Variants in TNR observed in about 807,000 individuals in gnomAD.
TNR encodes the protein tenascin-R.
A neutral mutation model predicts 150.4 loss-of-function variants in TNR; 45 were observed. That is an observed-to-expected ratio of 0.30 (90% confidence interval 0.24 to 0.38). The LOEUF is 0.38. Ranked by LOEUF, TNR falls within the 10% of genes least tolerant of loss-of-function variation. TNR has a pLI of 1.00. For synonymous variants in TNR, 687 were observed against 678.4 expected (o/e 1.01, Z -0.20); for missense variants, 1,544 against 1,759.1 (o/e 0.88, Z 2.19).
At chr1:175,547,365 C>A (rs747619194) in intron 1 of TNR, among the ~76,000 whole-genome samples, 1 of 152,188 alleles carries the variant, frequency 6.6e-6, no homozygotes, top group African/African-American at 2.4e-5. Context: ...TTCCCCACAA[C>A]TTTGAGCTTC....
At chr1:175,616,132 G>A (rs576716980) in intron 1 of TNR, among the ~76,000 whole-genome samples, 1 of 152,322 alleles carries the variant, frequency 6.6e-6, no homozygotes, top group East Asian at 1.9e-4. Flanking sequence ...TTCCAGGTCA[G>A]CTACGTTTCC....
intron 1 of TNR, among the ~76,000 whole-genome samples, chr1:175,740,285 T>C (rs1225322552): frequency 6.6e-6 from 1 of 152,206 alleles, no homozygotes; most frequent in Admixed American, 6.5e-5. Context: ...CAGAAAGTGA[T>C]GGTGTTGGGA....
At chr1:175,509,890 T>TGG (rs1659099762) in intron 2 of TNR, among the ~76,000 whole-genome samples, 2 of 152,144 alleles carry the variant, frequency 1.3e-5, no homozygotes, top group South Asian at 4.1e-4. Flanking sequence ...ACAGGCTTTA[T>TGG]GGGGTGTGTG....
At chr1:175,401,214 G>C (rs1024140379) in intron 4 of TNR, among the ~76,000 whole-genome samples, 5 of 152,306 alleles carry the variant, frequency 3.3e-5, no homozygotes, top group African/African-American at 1.2e-4. Context: ...GTTTGCAAAT[G>C]AACCTATCCC....
At chr1:175,604,834 C>T (rs116675823) in intron 1 of TNR, among the ~76,000 whole-genome samples, 3,374 of 152,248 alleles carry the variant, frequency 0.022, 130 homozygotes, top group African/African-American at 0.076. Flanking sequence ...CTAACCAGGG[C>T]AACATGACCA....
intron 2 of TNR, among the ~76,000 whole-genome samples, chr1:175,449,414 A>AGGGCCATCATTCCTCTCTAG (rs1170306749): frequency 1.3e-5 from 2 of 152,186 alleles, no homozygotes; most frequent in African/African-American, 4.8e-5. Context: ...GGATGTCTTA[A>AGGGCCATCATTCCTCTCTAG]GGGCCATCAT....
At chr1:175,504,835 AAT>A (rs1239149940) in intron 2 of TNR, among the ~76,000 whole-genome samples, 1 of 152,210 alleles carries the variant, frequency 6.6e-6, no homozygotes, top group Non-Finnish European at 1.5e-5. Context: ...ATCAAATTAA[AAT>A]AGGTCATATG....
At chr1:175,620,665 G>A (rs1663942128) in intron 1 of TNR, among the ~76,000 whole-genome samples, 1 of 152,166 alleles carries the variant, frequency 6.6e-6, no homozygotes, top group African/African-American at 2.4e-5. Context: ...CAAAGACTGA[G>A]GACCTAGGAT....
intron 18 of TNR, among the ~76,000 whole-genome samples, chr1:175,341,350 A>AT (rs767443826): frequency 1.8e-4 from 27 of 152,092 alleles, no homozygotes; most frequent in Admixed American, 5.2e-4. Context: ...TTTAATTTTT[A>AT]TTTTTTTTAG....
At chr1:175,547,609 G>GAAAGAAAGAAAC (rs1391424124) in intron 1 of TNR, among the ~76,000 whole-genome samples, 2 of 23,090 alleles carry the variant, frequency 8.7e-5, no homozygotes, top group Non-Finnish European at 3.0e-4. Context: ...AAGAAAGAAA[G>GAAAGAAAGAAAC]AAACAAAGAA....
intron 1 of TNR, among the ~76,000 whole-genome samples, chr1:175,612,232 G>A (rs1459141239): frequency 6.6e-6 from 1 of 152,146 alleles, no homozygotes; most frequent in Non-Finnish European, 1.5e-5. Context: ...ACAGAGATGT[G>A]AGTGGGCCCT....
At chr1:175,533,500 C>A (rs574699825) in intron 1 of TNR, among the ~76,000 whole-genome samples, 1 of 152,266 alleles carries the variant, frequency 6.6e-6, no homozygotes, top group Non-Finnish European at 1.5e-5. Flanking sequence ...AAGGGCTCAG[C>A]CTTGGCTATT....
intron 1 of TNR, among the ~76,000 whole-genome samples, chr1:175,689,776 T>C (rs1276903464): frequency 1.3e-5 from 2 of 152,180 alleles, no homozygotes; most frequent in Non-Finnish European, 2.9e-5. Context: ...GAGGGAAGAC[T>C]GCAGGCTGCG....
chr1:175,736,184 C>G (rs1667763775), intron 1 of TNR, among the ~76,000 whole-genome samples: 2 of 152,182 alleles, frequency 1.3e-5, no homozygotes, highest in African/African-American at 4.8e-5. Context: ...GTCCCAGGGA[C>G]TTTGTACTCA....
rs878888265 is a variant in TNR at position 175,369,302 on chromosome 1, G to A, written c.1964-2005C>T. ...CCACGGTTCTGAAGTCTGGAAGTCC[G>A]AAATCAAGGTGTCGCCAGGACCATG... is the stretch of plus-strand genomic sequence containing the variant. On this transcript the variant is annotated intron_variant, in intron 9 of 22. Transcript: ENST00000367674. Among the ~76,000 whole-genome samples the A allele has an allele frequency of 5.9e-5, 9 of 152,120 alleles. 1 individual carries two copies. Among genetic ancestry groups the A allele is most frequent in the Admixed American group, 3.9e-4 (6 of 15,272 alleles).
intron 2 of TNR, among the ~76,000 whole-genome samples, chr1:175,488,582 G>A (rs1283385761): frequency 1.3e-5 from 2 of 152,188 alleles, no homozygotes; most frequent in African/African-American, 4.8e-5. Context: ...GGTAAGTTGG[G>A]CAGATTTGCT....
chr1:175,568,245 T>C lies in TNR; in HGVS notation c.-164-39876A>G, dbSNP rs899404900. On this transcript the variant is annotated intron_variant, in intron 1 of 22. Transcript: ENST00000367674. ...CTCATATAGTAAATAATTATTTAGC[T>C]GTCTGAAGTATGATGATGGATCACT... Among the ~76,000 whole-genome samples the C allele has an allele frequency of 3.9e-5, 6 of 152,164 alleles. No individual in the cohort carries two copies. The South Asian group carries it at 8.3e-4, about 21-fold the overall frequency.
At chr1:175,503,303 A>G (rs1262201492) in intron 2 of TNR, among the ~76,000 whole-genome samples, 2 of 152,256 alleles carry the variant, frequency 1.3e-5, no homozygotes, top group African/African-American at 2.4e-5. Context: ...TCAGAGTTTA[A>G]GGAAGCGACA....
chr1:175,507,622 T>C (rs963206908), intron 2 of TNR, among the ~76,000 whole-genome samples: 15 of 152,102 alleles, frequency 9.9e-5, no homozygotes, highest in Admixed American at 9.8e-4. Context: ...TCTTGCTCTC[T>C]CCTGTTTCTA....
Sources: gnomAD v4.1 joint callset for allele counts (sites outside exome capture counted in the v4.1 genomes callset) on GRCh38, gnomAD v4.1.1 for gene constraint, MANE v1.5 for transcripts, NCBI Gene and HGNC (gene_info 2026-07-23, HGNC 2026-07-21) for gene names.